UBE2G2: variants seen among roughly 807,000 people sequenced by gnomAD.
UBE2G2 encodes the protein ubiquitin conjugating enzyme E2 G2.
In UBE2G2, 10 loss-of-function variants were observed where a neutral mutation model predicts 23.0. The ratio of observed to expected loss-of-function variants is 0.43; its 90% CI spans 0.27 to 0.74. The LOEUF is 0.74. Ranked by LOEUF, UBE2G2 falls within the 30% of genes least tolerant of loss-of-function variation. The pLI, the probability that UBE2G2 is intolerant of heterozygous loss-of-function variation, is 0.19. For synonymous variants in UBE2G2, 86 were observed against 81.3 expected (o/e 1.06, Z -0.31); for missense variants, 150 against 218.3 (o/e 0.69, Z 1.97).
Position 44,771,393 on chromosome 21 carries a change from T to TTC in UBE2G2, c.480_481dup (p.Lys161ArgfsTer64). 2 of 1,612,976 alleles carry TTC rather than the reference T, an allele frequency of 1.2e-6. No individual in the cohort carries two copies. The highest frequency in any genetic ancestry group is 1.7e-6 in the Non-Finnish European group (2 of 1,180,024). On this transcript the variant is annotated frameshift_variant, in exon 6 of 6. Coordinates refer to ENST00000345496, the MANE Select transcript of UBE2G2 (RefSeq NM_003343.6). LOFTEE classifies it high-confidence loss of function. The surrounding 1 kb of genome is among the most constrained non-coding windows in gnomAD (Gnocchi z 4.6). ...GGCCAGGTCTCACAGTCCCAGAGACTTCTGGACGATCTGCTTGGCAATCTT... is the reference window on the plus strand; with the variant it reads ...GGCCAGGTCTCACAGTCCCAGAGACTTCTCTGGACGATCTGCTTGGCAATCTT...
At chr21:44,788,256 G>A (rs550723762) in intron 1 of UBE2G2, among the ~76,000 whole-genome samples, 161 bp from the exon 2 acceptor site, 15 of 151,758 alleles carry the variant, frequency 9.9e-5, no homozygotes, top group African/African-American at 3.4e-4. Context: ...GTACAATAAC[G>A]GTTCTGATAA....
chr21:44,772,748 A>G lies in UBE2G2; in HGVS notation c.385+799T>C, dbSNP rs2082883133. Reference sequence around the variant, plus strand: ...AGCCTGTACCTTCAAGGTCTCCCAAACCCACCCCTTCCTCTTAGCCCTGGG... The same window carrying G: ...AGCCTGTACCTTCAAGGTCTCCCAAGCCCACCCCTTCCTCTTAGCCCTGGG... On this transcript the variant is annotated intron_variant, in intron 5 of 5. Transcript: ENST00000345496. The surrounding 1 kb of genome is among the most constrained non-coding windows in gnomAD (Gnocchi z 5.4). 6.6e-6 allele frequency among the ~76,000 whole-genome samples: 1 copy of G among 151,762 alleles called. No homozygotes were observed. Among genetic ancestry groups the G allele is most frequent in the Non-Finnish European group, 1.5e-5 (1 of 67,936 alleles).
intron 1 of UBE2G2, among the ~76,000 whole-genome samples, chr21:44,796,573 T>C (rs1555963841): frequency 1.3e-5 from 2 of 152,204 alleles, no homozygotes; most frequent in African/African-American, 4.8e-5. Flanking sequence ...TATCACATTA[T>C]TAAGATACAG....
rs781882071 is a variant in UBE2G2, at chr21:44,770,091, C to A, written c.*1286G>T. 2.0e-5 allele frequency: 3 copies of A among 152,226 alleles called. No homozygotes were observed. The highest frequency in any genetic ancestry group is 4.8e-5 in the African/African-American group (2 of 41,452). 9.4% of individuals were successfully genotyped at this position (152,226 alleles called of 1,614,324 possible). A position where few individuals can be genotyped will look rare whatever the true frequency, so the allele number is the denominator to read the frequency against. ...TGGGCCCAGGGGCCCACATGCCCAC[C>A]TCCACAGCCCAGTCAAGTGTGGGGA... On this transcript the variant is annotated 3_prime_UTR_variant, in exon 6 of 6. Coordinates refer to ENST00000345496, the MANE Select transcript of UBE2G2 (RefSeq NM_003343.6).
Position 44,771,027 on chromosome 21 carries a change from C to A in UBE2G2, c.*350G>T. ...GGGTATTCCATCGTCCCCTGGAAGT[C>A]TGGCAGGTACAACCCCCTCAACACT... On this transcript the variant is annotated 3_prime_UTR_variant, in exon 6 of 6. Coordinates refer to ENST00000345496, the MANE Select transcript of UBE2G2 (RefSeq NM_003343.6). This position sits in a 1 kb window ranked among gnomAD's most constrained non-coding sequence, Gnocchi z 4.6. 5.0e-6 allele frequency: 1 copy of A among 198,790 alleles called. No individual in the cohort carries two copies. Among genetic ancestry groups the A allele is most frequent in the Non-Finnish European group, 1.0e-5 (1 of 97,144 alleles). 12.3% of individuals were successfully genotyped at this position (198,790 alleles called of 1,614,324 possible). A position where few individuals can be genotyped will look rare whatever the true frequency, so the allele number is the denominator to read the frequency against.
At chr21:44,789,545 G>A (rs1380015120) in intron 1 of UBE2G2, among the ~76,000 whole-genome samples, 1 of 152,016 alleles carries the variant, frequency 6.6e-6, no homozygotes, top group Non-Finnish European at 1.5e-5. Context: ...TGTACCAACA[G>A]AGACCCTGAC....
intron 3 of UBE2G2, among the ~76,000 whole-genome samples, chr21:44,783,816 T>G (rs2082974596): frequency 2.0e-5 from 3 of 152,214 alleles, no homozygotes; most frequent in Admixed American, 6.5e-5. Context: ...CCACTAACTT[T>G]TATACTTAAT....
Position 44,771,695 on chromosome 21 carries a change from C to T in UBE2G2, c.386-206G>A, listed in dbSNP as rs374970745. On this transcript the variant is annotated intron_variant, in intron 5 of 5. Coordinates refer to ENST00000345496, the MANE Select transcript of UBE2G2 (RefSeq NM_003343.6). This position sits in a 1 kb window ranked among gnomAD's most constrained non-coding sequence, Gnocchi z 4.6. The stretch of plus-strand genomic sequence containing the variant: ...ACGAAAGCCACTCTCATGACTCCTG[C>T]GTTCTGAGTGTCTGAAGACACCAGG... 3.3e-5 allele frequency among the ~76,000 whole-genome samples: 5 copies of T among 152,186 alleles called. No individual in the cohort carries two copies. Among genetic ancestry groups the T allele is most frequent in the African/African-American group, 7.2e-5 (3 of 41,436 alleles).
intron 3 of UBE2G2, among the ~76,000 whole-genome samples, chr21:44,787,617 T>G (rs556961591): frequency 6.6e-6 from 1 of 152,318 alleles, no homozygotes; most frequent in African/African-American, 2.4e-5. Context: ...CCATTTGAGG[T>G]TATTTTAACC....
chr21:44,784,845 G>A (rs2082983116), intron 3 of UBE2G2, among the ~76,000 whole-genome samples: 1 of 152,174 alleles, frequency 6.6e-6, no homozygotes, highest in Non-Finnish European at 1.5e-5. Flanking sequence ...CAGCAGTCAG[G>A]CATGAACCAG....
rs2082852943 is a variant in UBE2G2, at chr21:44,769,316, T to C, written c.*2061A>G. On this transcript the variant is annotated 3_prime_UTR_variant, in exon 6 of 6. Coordinates refer to ENST00000345496, the MANE Select transcript of UBE2G2 (RefSeq NM_003343.6). ...ATCTCATTTGCCTGCAAATACAACA[T>C]AGGTATAATACCGCTCCTTTCCCCC... is the stretch of plus-strand genomic sequence containing the variant. The C allele has an allele frequency of 6.6e-6, 1 of 151,608 alleles. No individual in the cohort carries two copies. The allele number at this position is 151,608 out of a possible 1,614,324, so 9.4% of individuals were successfully genotyped here. A position where few individuals can be genotyped will look rare whatever the true frequency, so the allele number is the denominator to read the frequency against.
At chr21:44,790,033 T>C (rs1555962741) in intron 1 of UBE2G2, among the ~76,000 whole-genome samples, 1 of 152,186 alleles carries the variant, frequency 6.6e-6, no homozygotes, top group Admixed American at 6.5e-5. Context: ...GGTATTTTTT[T>C]ACAGCAGCCT....
chr21:44,790,403 G>A (rs754785665), intron 1 of UBE2G2, among the ~76,000 whole-genome samples: 1 of 152,146 alleles, frequency 6.6e-6, no homozygotes, highest in Non-Finnish European at 1.5e-5. Context: ...ATTCGTAATA[G>A]CCCCAAACTG....
rs575638752 is a variant in UBE2G2 at position 44,801,794 on chromosome 21, G to T, written c.-46C>A. ...GAGCGACCTCGCCTCAGCCGCGCGC[G>T]TGCCTCCTGCCCCGACACCGGGGAC... is the stretch of plus-strand genomic sequence containing the variant. On this transcript the variant is annotated 5_prime_UTR_variant, in exon 1 of 6. Coordinates refer to ENST00000345496, the MANE Select transcript of UBE2G2 (RefSeq NM_003343.6). The T allele has an allele frequency of 3.9e-5, 59 of 1,502,012 alleles. No individual in the cohort carries two copies. In the South Asian group the frequency reaches 5.0e-4, roughly 13 times the overall value. The allele number at this position is 1,502,012 out of a possible 1,614,324, so 93.0% of individuals were successfully genotyped here.
rs781886308 is a variant in UBE2G2 at position 44,777,254 on chromosome 21, C to T, written c.244+45G>A. On this transcript the variant is annotated intron_variant, in intron 4 of 5. Coordinates refer to ENST00000345496, the MANE Select transcript of UBE2G2 (RefSeq NM_003343.6). ...TTCAGGTGGCTGATAATATTATCTC[C>T]GTACCTATCCTGGTACCACAAAAAC... is the stretch of plus-strand genomic sequence containing the variant. The T allele has an allele frequency of 1.5e-5, 23 of 1,490,250 alleles. 1 individual carries two copies. The highest frequency in any genetic ancestry group is 1.7e-4 in the Middle Eastern group (1 of 5,828). 92.3% of individuals were successfully genotyped at this position (1,490,250 alleles called of 1,614,324 possible).
intron 3 of UBE2G2, among the ~76,000 whole-genome samples, chr21:44,783,568 A>G (rs1555961566): frequency 1.3e-5 from 2 of 152,244 alleles, no homozygotes; most frequent in Admixed American, 6.5e-5. Flanking sequence ...ATGGTATAAC[A>G]TGGATGAACT....
At chr21:44,778,667 C>G (rs1412566617) in intron 3 of UBE2G2, among the ~76,000 whole-genome samples, 1 of 152,200 alleles carries the variant, frequency 6.6e-6, no homozygotes, top group Non-Finnish European at 1.5e-5. Context: ...CACCATCTTT[C>G]TTTGATAAGG....
Position 44,771,906 on chromosome 21 carries a change from G to A in UBE2G2, c.386-417C>T, listed in dbSNP as rs960858926. ...CAGTGTGGCTTCTCTCTCACAGAGC[G>A]CCCTCTCAGCAAAACTGCCCCTCAC... On this transcript the variant is annotated intron_variant, in intron 5 of 5. Coordinates refer to ENST00000345496, the MANE Select transcript of UBE2G2 (RefSeq NM_003343.6). This position sits in a 1 kb window ranked among gnomAD's most constrained non-coding sequence, Gnocchi z 4.6. Among the ~76,000 whole-genome samples, 13 of 152,108 alleles carry A rather than the reference G, an allele frequency of 8.5e-5. No homozygotes were observed. The highest frequency in any genetic ancestry group is 1.9e-4 in the Non-Finnish European group (13 of 67,998).
At position 44,769,505 on chromosome 21, in the gene UBE2G2, AGAGTAGCTGGGACTACAGGC is replaced by A. The variant is rs1383347659; in HGVS notation, c.*1852_*1871del. 1.3e-5 allele frequency: 2 copies of A among 150,670 alleles called. No homozygotes were observed. Among genetic ancestry groups the A allele is most frequent in the African/African-American group, 4.9e-5 (2 of 40,786 alleles). 9.3% of individuals were successfully genotyped at this position (150,670 alleles called of 1,614,324 possible). On this transcript the variant is annotated 3_prime_UTR_variant, in exon 6 of 6. Transcript: ENST00000345496. ...ACGCCATTCTCCTGCCTCAGTCTTC[AGAGTAGCTGGGACTACAGGC>A]GCCCGCCACCACGCCCGGCTAATTT...
Sources: gnomAD v4.1 joint callset for allele counts (sites outside exome capture counted in the v4.1 genomes callset) on GRCh38, gnomAD v4.1.1 for gene constraint, Gnocchi (gnomAD v3.1) non-coding constraint, MANE v1.5 for transcripts, NCBI Gene and HGNC (gene_info 2026-07-23, HGNC 2026-07-21) for gene names.